The following CLDN10 variants were observed in gnomAD, a reference collection of about 807,000 sequenced individuals.
CLDN10 encodes the protein claudin 10, also known as claudin-10.
A neutral mutation model predicts 22.9 loss-of-function variants in CLDN10; 15 were observed. That is an observed-to-expected ratio of 0.65 (90% CI 0.44 to 1.01). The LOEUF is 1.01. CLDN10 is among the 50% of genes least tolerant of loss of function. The pLI, the probability that CLDN10 is intolerant of heterozygous loss-of-function variation, is 0.00. For synonymous variants in CLDN10, 114 were observed against 111.4 expected, an observed-to-expected ratio of 1.02 and a Z score of -0.15; for missense variants, 247 against 287.8, an observed-to-expected ratio of 0.86 and a Z score of 1.03.
chr13:95,508,959 C>T (rs973787543), intron 1 of CLDN10, among the ~76,000 whole-genome samples: 4 of 152,102 alleles, frequency 2.6e-5, no homozygotes, highest in Non-Finnish European at 5.9e-5. Flanking sequence ...GAGGAAACCC[C>T]TGTTGGTTTG....
intron 1 of CLDN10, among the ~76,000 whole-genome samples, chr13:95,511,134 A>G (rs9302077): frequency 0.39 from 59,447 of 152,024 alleles, 11,877 homozygotes; most frequent in African/African-American, 0.46. Flanking sequence ...CTACAGAATT[A>G]GGATTTGACA....
intron 1 of CLDN10, among the ~76,000 whole-genome samples, chr13:95,539,429 A>G (rs1057505072): frequency 2.0e-4 from 30 of 152,290 alleles, no homozygotes; most frequent in Admixed American, 9.2e-4. Context: ...TCAAATGATC[A>G]TTTTTTAGTT....
intron 1 of CLDN10, among the ~76,000 whole-genome samples, chr13:95,511,363 CTG>C (rs1390532354): frequency 6.6e-6 from 1 of 151,866 alleles, no homozygotes; most frequent in African/African-American, 2.4e-5. Flanking sequence ...AATCCTTGTT[CTG>C]TTAGTAAACA....
intron 3 of CLDN10, among the ~76,000 whole-genome samples, chr13:95,566,904 C>T (rs1417750629): frequency 6.6e-6 from 1 of 152,098 alleles, no homozygotes; most frequent in African/African-American, 2.4e-5. Context: ...TTGTTTTTGT[C>T]AGGTTTGTTA....
At chr13:95,506,217 C>T (rs1325294454) in intron 1 of CLDN10, among the ~76,000 whole-genome samples, 1 of 152,028 alleles carries the variant, frequency 6.6e-6, no homozygotes, top group Non-Finnish European at 1.5e-5. Context: ...CTCATCAGCC[C>T]TGTCTACACG....
At chr13:95,470,140 G>A (rs1203604912) in intron 1 of CLDN10, among the ~76,000 whole-genome samples, 1 of 152,208 alleles carries the variant, frequency 6.6e-6, no homozygotes, top group African/African-American at 2.4e-5. Context: ...AGTTAGTGAA[G>A]TGGAGAACTG....
chr13:95,575,395 T>C (rs2043910589), intron 3 of CLDN10, among the ~76,000 whole-genome samples: 1 of 152,208 alleles, frequency 6.6e-6, no homozygotes, highest in Non-Finnish European at 1.5e-5. Flanking sequence ...CACCTCCAGT[T>C]TGGCAGGCAT....
intron 1 of CLDN10, among the ~76,000 whole-genome samples, chr13:95,445,223 AG>A (rs1264942180): frequency 2.0e-5 from 3 of 152,250 alleles, no homozygotes; most frequent in African/African-American, 7.2e-5. Context: ...AAGTGCATGC[AG>A]GAACAGGAAG....
At chr13:95,489,240 C>T (rs372516220) in intron 1 of CLDN10, among the ~76,000 whole-genome samples, 5 of 152,210 alleles carry the variant, frequency 3.3e-5, no homozygotes, top group East Asian at 1.9e-4. Flanking sequence ...TAAGCCACCA[C>T]GCCCGACCCT....
At chr13:95,557,322 G>T (rs115840109) in intron 1 of CLDN10, among the ~76,000 whole-genome samples, 70 of 152,210 alleles carry the variant, frequency 4.6e-4, no homozygotes, top group African/African-American at 1.5e-3. Flanking sequence ...TTGCCCTCAG[G>T]AACTGTTAGA....
chr13:95,556,614 G>A (rs766809414), intron 1 of CLDN10, among the ~76,000 whole-genome samples: 59 of 152,310 alleles, frequency 3.9e-4, no homozygotes, highest in Non-Finnish European at 7.6e-4. Context: ...TTACAGATGA[G>A]AGAACTGAGC....
At chr13:95,564,228 G>A (rs1418794411) in intron 3 of CLDN10, among the ~76,000 whole-genome samples, 1 of 152,168 alleles carries the variant, frequency 6.6e-6, no homozygotes, top group East Asian at 1.9e-4. Flanking sequence ...CCCTAGCACA[G>A]TACCTAGAAG....
rs147635703 is a variant in CLDN10 at position 95,527,600 on chromosome 13, A to G, written c.215-32532A>G. On this transcript the variant is annotated intron_variant, in intron 1 of 4. Coordinates refer to the CLDN10 transcript ENST00000376873. The stretch of plus-strand genomic sequence containing the variant: ...AAAATACAAAAATTAGCTGGGCATG[A>G]TGGTGGGTGCCTGTAATCCCAGCTA... Among the ~76,000 whole-genome samples, 748 of 151,882 alleles carry G rather than the reference A, an allele frequency of 4.9e-3. 6 individuals are homozygous for G. The highest frequency in any genetic ancestry group is 0.017 in the African/African-American group (716 of 41,438).
rs2043977906 is a variant in CLDN10 at position 95,579,040 on chromosome 13, C to A, written c.*1026C>A. On this transcript the variant is annotated 3_prime_UTR_variant, in exon 5 of 5. Coordinates refer to ENST00000299339, the MANE Select transcript of CLDN10 (RefSeq NM_006984.5). Reference sequence around the variant, plus strand: ...TAAAACCTGTTTATGCCTAGTGTTCCATTATTGGAACACTAAGCATGTGGG... The same window carrying A: ...TAAAACCTGTTTATGCCTAGTGTTCAATTATTGGAACACTAAGCATGTGGG... 6.6e-6 allele frequency: 1 copy of A among 152,130 alleles called. No individual in the cohort carries two copies. Among genetic ancestry groups the A allele is most frequent in the Admixed American group, 6.5e-5 (1 of 15,270 alleles). The allele number at this position is 152,130 out of a possible 1,614,324, so 9.4% of individuals were successfully genotyped here. A position where few individuals can be genotyped will look rare whatever the true frequency, so the allele number is the denominator to read the frequency against.
intron 1 of CLDN10, among the ~76,000 whole-genome samples, chr13:95,473,849 C>T (rs1053981028): frequency 1.3e-5 from 2 of 152,146 alleles, no homozygotes; most frequent in Non-Finnish European, 2.9e-5. Context: ...TGTTAAGCTT[C>T]GGAGGGAACA....
chr13:95,470,978 G>A (rs575334225), intron 1 of CLDN10, among the ~76,000 whole-genome samples: 1 of 152,278 alleles, frequency 6.6e-6, no homozygotes, highest in East Asian at 1.9e-4. Flanking sequence ...AAGTGAAGGA[G>A]ACACAGTTCC....
intron 3 of CLDN10, among the ~76,000 whole-genome samples, chr13:95,568,172 T>G (rs541982726): frequency 6.6e-6 from 1 of 152,358 alleles, no homozygotes; most frequent in Admixed American, 6.5e-5. Context: ...ATTCATGAGT[T>G]ATTTGGAGGA....
In CLDN10 at chr13:95,516,279, C is replaced by T. The variant is rs376735364; in HGVS notation, c.215-43853C>T. Among the ~76,000 whole-genome samples, 54 of 152,152 alleles carry T rather than the reference C, an allele frequency of 3.5e-4. 1 individual carries two copies. In the South Asian group the frequency reaches 0.011, roughly 31 times the overall value. On this transcript the variant is annotated intron_variant, in intron 1 of 4. Transcript: ENST00000376873. The stretch of plus-strand genomic sequence containing the variant: ...TTTGTACAGTATCATGACATTACAT[C>T]CTACACCTTCAGGCAGATTAAATAG...
At chr13:95,532,511 G>A (rs759738271) in intron 1 of CLDN10, among the ~76,000 whole-genome samples, 4 of 152,120 alleles carry the variant, frequency 2.6e-5, no homozygotes, top group Non-Finnish European at 2.9e-5. Context: ...TGGCAAGAAT[G>A]TAGAGTACCT....
Sources: gnomAD v4.1 joint callset for allele counts (sites outside exome capture counted in the v4.1 genomes callset) on GRCh38, gnomAD v4.1.1 for gene constraint, MANE v1.5 for transcripts, NCBI Gene and HGNC (gene_info 2026-07-23, HGNC 2026-07-21) for gene names.